Variants in GFRA1 observed in about 807,000 individuals in gnomAD.
GFRA1 encodes GDNF family receptor alpha 1.
GFRA1 carries 16 observed loss-of-function variants against 51.6 expected under a neutral mutation model. The ratio of observed to expected loss-of-function variants is 0.31; its 90% CI spans 0.21 to 0.47. The LOEUF is 0.47. Among genes scored for constraint, GFRA1 ranks in the 20% least tolerant of loss-of-function variants. GFRA1 has a pLI of 1.00. For synonymous variants in GFRA1, 270 were observed against 241.3 expected, an observed-to-expected ratio of 1.12 and a Z score of -1.10; for missense variants, 530 against 594.3, an observed-to-expected ratio of 0.89 and a Z score of 1.13.
intron 9 of GFRA1, among the ~76,000 whole-genome samples, chr10:116,067,012 T>C (rs977890085): frequency 2.6e-5 from 4 of 152,242 alleles, no homozygotes; most frequent in Admixed American, 2.6e-4. Flanking sequence ...AATCTTTACC[T>C]ATATTTGCAT....
intron 4 of GFRA1, among the ~76,000 whole-genome samples, chr10:116,260,346 A>G (rs986533847): frequency 2.0e-5 from 3 of 152,212 alleles, no homozygotes; most frequent in African/African-American, 7.2e-5. Flanking sequence ...AACACACTCT[A>G]TAAAAATATG....
rs1271822817 is a variant in GFRA1 at position 116,272,246 on chromosome 10, C to T, written c.-217G>A. 3.3e-6 allele frequency: 2 copies of T among 611,202 alleles called. No homozygotes were observed. Among genetic ancestry groups the T allele is most frequent in the East Asian group, 5.5e-5 (2 of 36,330 alleles). 37.9% of individuals were successfully genotyped at this position (611,202 alleles called of 1,614,324 possible). Reference sequence around the variant, plus strand: ...GGGATGGCGAGGGCGGGAGGCGGTTCCGCTTTTAGGGGTTCAGGTCCGACC... The same window carrying T: ...GGGATGGCGAGGGCGGGAGGCGGTTTCGCTTTTAGGGGTTCAGGTCCGACC... On this transcript the variant is annotated 5_prime_UTR_variant, in exon 2 of 11. Coordinates refer to ENST00000355422, the MANE Select transcript of GFRA1 (RefSeq NM_005264.8). The surrounding 1 kb of genome is among the most constrained non-coding windows in gnomAD (Gnocchi z 4.4).
At chr10:116,251,990 T>TTTTTTTC (rs1968412064) in intron 4 of GFRA1, among the ~76,000 whole-genome samples, 1 of 111,868 alleles carries the variant, frequency 8.9e-6, no homozygotes, top group Admixed American at 9.9e-5. Context: ...TTTTTTTTTT[T>TTTTTTTC]ACAATTACCA....
chr10:116,131,902 A>AG (rs985590176), intron 5 of GFRA1, among the ~76,000 whole-genome samples: 1 of 124,364 alleles, frequency 8.0e-6, no homozygotes, highest in African/African-American at 3.1e-5. Context: ...TTATCTCAAA[A>AG]GGAAAAAAAA....
intron 5 of GFRA1, among the ~76,000 whole-genome samples, chr10:116,150,261 C>G: frequency 6.6e-6 from 1 of 152,206 alleles, no homozygotes; most frequent in Non-Finnish European, 1.5e-5. Flanking sequence ...ATGGTGCCTC[C>G]TCCTTCCACT....
At chr10:116,169,404 T>G (rs1259823931) in intron 5 of GFRA1, among the ~76,000 whole-genome samples, 3 of 152,250 alleles carry the variant, frequency 2.0e-5, no homozygotes, top group African/African-American at 7.2e-5. Context: ...AAGCTGGACC[T>G]GCGGACCTAA....
chr10:116,096,384 A>G lies in GFRA1; in HGVS notation c.880+271T>C, dbSNP rs184807856. 2.9e-3 allele frequency among the ~76,000 whole-genome samples: 448 copies of G among 152,104 alleles called. 3 individuals are homozygous for G. Among genetic ancestry groups the G allele is most frequent in the African/African-American group, 0.01 (422 of 41,508 alleles). Reference sequence around the variant, plus strand: ...CTGCGTGGTCAGTTTCCCAACTGAGACGCCTTACCCGTCTGCGCACTTGCA... The same window carrying G: ...CTGCGTGGTCAGTTTCCCAACTGAGGCGCCTTACCCGTCTGCGCACTTGCA... On this transcript the variant is annotated intron_variant, in intron 7 of 10. Transcript: ENST00000355422.
intron 4 of GFRA1, among the ~76,000 whole-genome samples, chr10:116,252,696 GTCTCGAGGCCAGTAAACAGAT>G (rs1162194518): frequency 6.6e-6 from 1 of 152,172 alleles, no homozygotes; most frequent in Non-Finnish European, 1.5e-5. Flanking sequence ...GCAGTGCAAT[GTCTCGAGGCCAGTAAACAGAT>G]TCTCGTCTTT....
intron 5 of GFRA1, among the ~76,000 whole-genome samples, chr10:116,167,805 T>G (rs1960628901): frequency 6.6e-6 from 1 of 152,194 alleles, no homozygotes; most frequent in Non-Finnish European, 1.5e-5. Flanking sequence ...GGAATGCTGC[T>G]TTACATCCAT....
At chr10:116,244,260 AAGGAAT>A (rs557785509) in intron 4 of GFRA1, among the ~76,000 whole-genome samples, 1 of 137,650 alleles carries the variant, frequency 7.3e-6, no homozygotes, top group South Asian at 2.4e-4. Context: ...CAGTGAGATA[AAGGAAT>A]AGAAACTATA....
chr10:116,224,400 T>A (rs183103460), intron 4 of GFRA1, among the ~76,000 whole-genome samples: 1 of 152,274 alleles, frequency 6.6e-6, no homozygotes, highest in Non-Finnish European at 1.5e-5. Context: ...CAAGAGTTCA[T>A]AGAAGCATTA....
At chr10:116,168,440 C>G (rs568733908) in intron 5 of GFRA1, among the ~76,000 whole-genome samples, 1 of 152,280 alleles carries the variant, frequency 6.6e-6, no homozygotes, top group Non-Finnish European at 1.5e-5. Context: ...ATGTGTAAAC[C>G]AGTTCCCATG....
At chr10:116,144,723 G>A (rs1958720224) in intron 5 of GFRA1, among the ~76,000 whole-genome samples, 1 of 152,038 alleles carries the variant, frequency 6.6e-6, no homozygotes, top group Admixed American at 6.6e-5. Flanking sequence ...ATTAAAATGT[G>A]AAAAACAAAA....
Position 116,166,811 on chromosome 10 carries a change from TTTTG to T in GFRA1, c.434-41258_434-41255del, listed in dbSNP as rs1259528126. 1.4e-3 allele frequency among the ~76,000 whole-genome samples: 78 copies of T among 55,396 alleles called. 11 individuals are homozygous for T. Among genetic ancestry groups the T allele is most frequent in the African/African-American group, 1.9e-3 (29 of 15,512 alleles). 36.3% of individuals were successfully genotyped at this position (55,396 alleles called of 152,430 possible). A position where few individuals can be genotyped will look rare whatever the true frequency, so the allele number is the denominator to read the frequency against. On this transcript the variant is annotated intron_variant, in intron 5 of 10. Coordinates refer to ENST00000355422, the MANE Select transcript of GFRA1 (RefSeq NM_005264.8). ...TTTTTTTTTTTTTTTTTTTTTTTTT[TTTTG>T]TTGAGACGGAGTCTCCCTCTGTGGC...
At chr10:116,220,840 G>T (rs370070367) in intron 4 of GFRA1, among the ~76,000 whole-genome samples, 1 of 152,144 alleles carries the variant, frequency 6.6e-6, no homozygotes, top group African/African-American at 2.4e-5. Flanking sequence ...ATCTTTTCCA[G>T]TTCTAAAACT....
chr10:116,106,947 A>C (rs1957029823), intron 6 of GFRA1, among the ~76,000 whole-genome samples: 3 of 152,160 alleles, frequency 2.0e-5, no homozygotes, highest in Admixed American at 2.0e-4. Flanking sequence ...GGCTCTTGCC[A>C]TGTGAGACAC....
chr10:116,116,239 TGC>T (rs1957408197), intron 6 of GFRA1, among the ~76,000 whole-genome samples: 1 of 152,170 alleles, frequency 6.6e-6, no homozygotes, highest in Non-Finnish European at 1.5e-5. Context: ...GGATTACAGG[TGC>T]AGCAATGTAC....
At chr10:116,273,947 TC>T (rs1328882638), upstream of GFRA1, among the ~76,000 whole-genome samples, 1 of 152,070 alleles carries the variant, frequency 6.6e-6, no homozygotes, top group African/African-American at 2.4e-5. Context: ...GCACACGCAG[TC>T]TCTACCTCTC....
At chr10:116,101,669 GGTAAAAACATACCA>G (rs1956820556) in intron 6 of GFRA1, among the ~76,000 whole-genome samples, 2 of 152,056 alleles carry the variant, frequency 1.3e-5, no homozygotes, top group African/African-American at 4.8e-5. Context: ...ATGGAAAACA[GGTAAAAACATACCA>G]GTAATGCCCA....
Sources: allele counts gnomAD v4.1 joint callset (sites outside exome capture counted in the v4.1 genomes callset), GRCh38; gene constraint gnomAD v4.1.1; non-coding constraint Gnocchi (gnomAD v3.1); transcripts MANE v1.5; gene names NCBI Gene and HGNC (gene_info 2026-07-23, HGNC 2026-07-21).